The following RAPGEF5 variants were observed in gnomAD, a reference collection of about 807,000 sequenced individuals.
The protein encoded by RAPGEF5 is M-Ras-regulated GEF.
In RAPGEF5, 65 loss-of-function variants were observed where a neutral mutation model predicts 125.2. The ratio of observed to expected loss-of-function variants is 0.52; its 90% CI spans 0.43 to 0.64. The LOEUF (loss-of-function observed/expected upper bound fraction) is 0.64. Among genes scored for constraint, RAPGEF5 ranks in the 30% least tolerant of loss-of-function variants. The pLI, the probability that RAPGEF5 is intolerant of heterozygous loss-of-function variation, is 0.00. For missense variants in RAPGEF5, 958 were observed against 1,048.1 expected (o/e 0.91, Z 1.19); for synonymous variants, 391 against 385.9 (o/e 1.01, Z -0.16).
At chr7:22,164,262 T>G (rs4722104) in intron 12 of RAPGEF5, among the ~76,000 whole-genome samples, 147,663 of 152,292 alleles carry the variant, frequency 0.97, 71,604 homozygotes, top group East Asian at 0.99. Flanking sequence ...GCCTAGAAGG[T>G]TGAGGTTGCA....
At chr7:22,191,424 A>G (rs1784993463) in intron 11 of RAPGEF5, 1 of 369,286 alleles carries the variant, frequency 2.7e-6, no homozygotes, top group Non-Finnish European at 5.6e-6. Context: ...AGTTGTTACC[A>G]TTTTGCCACT....
Position 22,125,408 on chromosome 7 carries a change from T to C in RAPGEF5, c.2536+196A>G, listed in dbSNP as rs1782706975. 1.3e-5 allele frequency: 7 copies of C among 531,164 alleles called. No individual in the cohort carries two copies. In the South Asian group the frequency reaches 1.6e-4, roughly 12 times the overall value. 32.9% of individuals were successfully genotyped at this position (531,164 alleles called of 1,614,324 possible). A position where few individuals can be genotyped will look rare whatever the true frequency, so the allele number is the denominator to read the frequency against. On this transcript the variant is annotated intron_variant, in intron 25 of 25. Transcript: ENST00000665637. ...GCCATGAGGGGATAATAATCTGCCATATCTTGTCTTCCTCTGCATCCCCAA... is the reference window on the plus strand; with the variant it reads ...GCCATGAGGGGATAATAATCTGCCACATCTTGTCTTCCTCTGCATCCCCAA...
At position 22,275,977 on chromosome 7, in the gene RAPGEF5, C is replaced by G. The variant is rs560177469; in HGVS notation, c.748-8965G>C. Reference sequence around the variant, plus strand: ...CGACACTAACATCTTTTCAAAAGAGCAGGTGTATCTGTGTCTTCAGTTTTC... The same window carrying G: ...CGACACTAACATCTTTTCAAAAGAGGAGGTGTATCTGTGTCTTCAGTTTTC... On this transcript the variant is annotated intron_variant, in intron 6 of 25. Transcript: ENST00000665637. Among the ~76,000 whole-genome samples the G allele has an allele frequency of 7.8e-4, 119 of 152,294 alleles. 2 individuals are homozygous for G. The South Asian group carries it at 0.024, about 31-fold the overall frequency.
chr7:22,279,827 C>T (rs1384749155), intron 6 of RAPGEF5, among the ~76,000 whole-genome samples: 1 of 152,064 alleles, frequency 6.6e-6, no homozygotes, highest in Non-Finnish European at 1.5e-5. Flanking sequence ...GGCATTTGTT[C>T]CTAAAGTTTA....
Position 22,139,581 on chromosome 7 carries a change from T to G in RAPGEF5, c.2277+444A>C, listed in dbSNP as rs557406987. 1.6e-4 allele frequency among the ~76,000 whole-genome samples: 25 copies of G among 152,390 alleles called. No homozygotes were observed. In the South Asian group the frequency reaches 4.6e-3, roughly 28 times the overall value. On this transcript the variant is annotated intron_variant, in intron 21 of 25. Coordinates refer to ENST00000665637, the MANE Select transcript of RAPGEF5 (RefSeq NM_012294.5). ...GGAGGTCTGAAACTTTAGAACGTTT[T>G]GTGGATCCTCTTTAAGAAAAAGAAT... is the stretch of plus-strand genomic sequence containing the variant.
intron 12 of RAPGEF5, 37 bp from the exon 13 acceptor site, chr7:22,162,578 T>A (rs1981600): frequency 0.37 from 576,730 of 1,551,776 alleles, 109,196 homozygotes; most frequent in Non-Finnish European, 0.39. Context: ...TTGTTGAAAA[T>A]TTTAAAATAT....
intron 5 of RAPGEF5, among the ~76,000 whole-genome samples, chr7:22,294,101 C>A (rs914324576): frequency 7.9e-5 from 12 of 151,616 alleles, no homozygotes; most frequent in African/African-American, 2.9e-4. Context: ...CTAAAGGGGG[C>A]TGTGCTGCTC....
chr7:22,133,179 T>C (rs1200342805), intron 23 of RAPGEF5, among the ~76,000 whole-genome samples: 1 of 152,132 alleles, frequency 6.6e-6, no homozygotes, highest in Non-Finnish European at 1.5e-5. Flanking sequence ...GGCGGCTCTA[T>C]TGAGGGGCCA....
At chr7:22,256,256 TAC>T (rs1786757678) in intron 7 of RAPGEF5, among the ~76,000 whole-genome samples, 1 of 152,222 alleles carries the variant, frequency 6.6e-6, no homozygotes, top group African/African-American at 2.4e-5. Context: ...TGTTAAACTC[TAC>T]AGAGTCCTTG....
intron 14 of RAPGEF5, among the ~76,000 whole-genome samples, chr7:22,158,225 T>C (rs1032629932): frequency 1.1e-4 from 17 of 152,214 alleles, no homozygotes; most frequent in African/African-American, 4.1e-4. Flanking sequence ...ATTCAGTCCA[T>C]AGAAATAAGT....
At chr7:22,218,694 T>C (rs756422453) in intron 9 of RAPGEF5, among the ~76,000 whole-genome samples, 36 of 152,222 alleles carry the variant, frequency 2.4e-4, no homozygotes, top group Non-Finnish European at 3.8e-4. Context: ...GTCTATGATA[T>C]AGTCAAACTT....
intron 1 of RAPGEF5, among the ~76,000 whole-genome samples, chr7:22,319,662 T>G (rs1255586606): frequency 1.3e-5 from 2 of 152,210 alleles, no homozygotes; most frequent in Non-Finnish European, 2.9e-5. Flanking sequence ...AAGTTTTAAA[T>G]GCACCAGATT....
At chr7:22,184,978 C>T (rs1784785851) in intron 11 of RAPGEF5, among the ~76,000 whole-genome samples, 1 of 152,154 alleles carries the variant, frequency 6.6e-6, no homozygotes, top group South Asian at 2.1e-4. Flanking sequence ...TTAGCTCATC[C>T]AGTGGCCATT....
intron 9 of RAPGEF5, among the ~76,000 whole-genome samples, chr7:22,201,570 G>T (rs1785278113): frequency 6.6e-6 from 1 of 152,116 alleles, no homozygotes; most frequent in South Asian, 2.1e-4. Context: ...TTTAGGGTAG[G>T]GTGTGTTAGC....
At chr7:22,199,312 A>C (rs1386255194) in intron 9 of RAPGEF5, among the ~76,000 whole-genome samples, 5 of 152,060 alleles carry the variant, frequency 3.3e-5, no homozygotes, top group Non-Finnish European at 7.4e-5. Context: ...GCAGGAAGAG[A>C]GCTAAACACG....
intron 3 of RAPGEF5, among the ~76,000 whole-genome samples, chr7:22,310,748 T>C (rs1408436504): frequency 6.6e-6 from 1 of 152,178 alleles, no homozygotes; most frequent in African/African-American, 2.4e-5. Flanking sequence ...TTTAATATAA[T>C]CATTGTAACT....
intron 9 of RAPGEF5, among the ~76,000 whole-genome samples, chr7:22,210,956 A>C (rs904723484): frequency 6.6e-6 from 1 of 152,224 alleles, no homozygotes; most frequent in Admixed American, 6.5e-5. Context: ...ATTTTAATAC[A>C]AAAAATAAAG....
Position 22,307,056 on chromosome 7 carries a change from A to C in RAPGEF5, c.680+1283T>G, listed in dbSNP as rs113494803. Among the ~76,000 whole-genome samples the C allele has an allele frequency of 3.3e-5, 5 of 152,206 alleles. 1 individual carries two copies. The highest frequency in any genetic ancestry group is 1.2e-4 in the African/African-American group (5 of 41,534). On this transcript the variant is annotated intron_variant, in intron 5 of 25. Coordinates refer to ENST00000665637, the MANE Select transcript of RAPGEF5 (RefSeq NM_012294.5). Reference sequence around the variant, plus strand: ...TCCGGATCTTTTGTGGTTTCATATAAATTTTAGGATTGTTTTTTCTATTTC... The same window carrying C: ...TCCGGATCTTTTGTGGTTTCATATACATTTTAGGATTGTTTTTTCTATTTC...
At chr7:22,248,405 G>A (rs969824731) in intron 7 of RAPGEF5, among the ~76,000 whole-genome samples, 4 of 152,278 alleles carry the variant, frequency 2.6e-5, no homozygotes, top group South Asian at 2.1e-4. Flanking sequence ...TGATGAAGCT[G>A]AGAACTAGAG....
Sources: gnomAD v4.1 joint callset for allele counts (sites outside exome capture counted in the v4.1 genomes callset) on GRCh38, gnomAD v4.1.1 for gene constraint, MANE v1.5 for transcripts, NCBI Gene and HGNC (gene_info 2026-07-23, HGNC 2026-07-21) for gene names.